MAP6: variants seen among roughly 807,000 people sequenced by gnomAD.
MAP6 encodes microtubule associated protein 6.
MAP6 carries 26 observed loss-of-function variants against 42.4 expected under a neutral mutation model. That is an observed-to-expected ratio of 0.61 (90% CI 0.45 to 0.85). The LOEUF (loss-of-function observed/expected upper bound fraction) is 0.85. MAP6 is among the 40% of genes least tolerant of loss of function. The pLI, the probability that MAP6 is intolerant of heterozygous loss-of-function variation, is 0.00. For synonymous variants in MAP6, 418 were observed against 443.8 expected, an observed-to-expected ratio of 0.94 and a Z score of 0.73; for missense variants, 966 against 1,099.0, an observed-to-expected ratio of 0.88 and a Z score of 1.71.
At chr11:75,663,784 T>C (rs1943897203) in intron 1 of MAP6, among the ~76,000 whole-genome samples, 1 of 152,256 alleles carries the variant, frequency 6.6e-6, no homozygotes, top group South Asian at 2.1e-4. Context: ...GGGGCAGTTC[T>C]GCACAGCATA....
At chr11:75,629,142 C>T (rs527507469) in intron 1 of MAP6, among the ~76,000 whole-genome samples, 7 of 152,300 alleles carry the variant, frequency 4.6e-5, no homozygotes, top group Admixed American at 3.9e-4. Flanking sequence ...GGCTGGAGTG[C>T]AGTGGTGCGA....
chr11:75,656,126 G>T (rs1255201842), intron 1 of MAP6, among the ~76,000 whole-genome samples: 2 of 152,122 alleles, frequency 1.3e-5, no homozygotes, highest in Non-Finnish European at 2.9e-5. Context: ...AATCCTTAAG[G>T]GCTAGGAGGC....
intron 1 of MAP6, among the ~76,000 whole-genome samples, chr11:75,630,954 G>A (rs1393046453): frequency 1.3e-5 from 2 of 152,178 alleles, no homozygotes; most frequent in African/African-American, 4.8e-5. Flanking sequence ...CAAGTTCCTT[G>A]GGTGATTCTA....
chr11:75,654,707 A>G (rs1435803233), intron 1 of MAP6, among the ~76,000 whole-genome samples: 1 of 152,224 alleles, frequency 6.6e-6, no homozygotes, highest in Non-Finnish European at 1.5e-5. Flanking sequence ...AAAAGTAGCC[A>G]GCACTTACTA....
intron 3 of MAP6, among the ~76,000 whole-genome samples, chr11:75,600,754 C>T (rs1942651659): frequency 6.6e-6 from 1 of 152,186 alleles, no homozygotes; most frequent in South Asian, 2.1e-4. Flanking sequence ...CCTTAAACCA[C>T]AGTGACACAC....
At chr11:75,631,434 T>C (rs1943282417) in intron 1 of MAP6, among the ~76,000 whole-genome samples, 1 of 152,184 alleles carries the variant, frequency 6.6e-6, no homozygotes, top group African/African-American at 2.4e-5. Flanking sequence ...GACTTTTTTT[T>C]TCTTAATTGC....
At chr11:75,607,006 A>G (rs1400871050) in intron 2 of MAP6, among the ~76,000 whole-genome samples, 1 of 152,074 alleles carries the variant, frequency 6.6e-6, no homozygotes, top group South Asian at 2.1e-4. Flanking sequence ...CGGGTGCCAC[A>G]CCATCTCTGG....
chr11:75,661,993 T>C (rs1027635283), intron 1 of MAP6, among the ~76,000 whole-genome samples: 2 of 152,144 alleles, frequency 1.3e-5, no homozygotes, highest in Admixed American at 6.5e-5. Flanking sequence ...CAAAACTTAA[T>C]GCATATGGGC....
Position 75,667,705 on chromosome 11 carries a change from G to A in MAP6, c.665C>T (p.Ala222Val), listed in dbSNP as rs1473850584. ...CGCCTTTCCGGCCGCCAGGCCACCCGCTCCGCCGGGGGCCGCCTCCTGCTC... is the reference window on the plus strand; with the variant it reads ...CGCCTTTCCGGCCGCCAGGCCACCCACTCCGCCGGGGGCCGCCTCCTGCTC... The part of the protein sequence containing the change: ...AREQEAAPGG[A>V]GGLAAGKASG... The change falls in exon 1 of 4, where the codon GCG (alanine) becomes GTG (valine). Residue 222 changes from alanine to valine, a missense_variant. Transcript: ENST00000304771. This position sits in a 1 kb window ranked among gnomAD's most constrained non-coding sequence, Gnocchi z 5.6. The A allele has an allele frequency of 3.1e-6, 4 of 1,282,994 alleles. No homozygotes were observed. Among genetic ancestry groups the A allele is most frequent in the Middle Eastern group, 2.9e-4 (1 of 3,396 alleles). The allele number at this position is 1,282,994 out of a possible 1,614,324, so 79.5% of individuals were successfully genotyped here.
rs546134062 is a variant in MAP6, at chr11:75,646,840, T to G, written c.905+20625A>C. Among the ~76,000 whole-genome samples the G allele has an allele frequency of 5.3e-4, 81 of 152,216 alleles. 1 individual carries two copies. In the South Asian group the frequency reaches 0.016, roughly 30 times the overall value. ...ATGGTGAGTAAAATATTAGTAGATA[T>G]GGGGGCAAATCTAAATAAGCATTGG... On this transcript the variant is annotated intron_variant, in intron 1 of 3. Transcript: ENST00000304771.
chr11:75,653,439 C>T (rs1390696962), intron 1 of MAP6, among the ~76,000 whole-genome samples: 3 of 152,152 alleles, frequency 2.0e-5, no homozygotes, highest in South Asian at 2.1e-4. Flanking sequence ...AATTCGACCT[C>T]GAGTTTGTAC....
At chr11:75,621,314 T>TA (rs1424207408) in intron 1 of MAP6, among the ~76,000 whole-genome samples, 11 of 149,742 alleles carry the variant, frequency 7.3e-5, no homozygotes, top group African/African-American at 1.5e-4. Context: ...TATCTTTACT[T>TA]AAAAAAAAAG....
chr11:75,635,375 C>T (rs553482913), intron 1 of MAP6, among the ~76,000 whole-genome samples: 7 of 152,328 alleles, frequency 4.6e-5, no homozygotes, highest in South Asian at 4.1e-4. Flanking sequence ...CAAGAGAAAA[C>T]GAGTGGCATC....
chr11:75,625,029 A>G (rs1943173352), intron 1 of MAP6, among the ~76,000 whole-genome samples: 1 of 152,174 alleles, frequency 6.6e-6, no homozygotes, highest in South Asian at 2.1e-4. Flanking sequence ...AAAAGTACAC[A>G]CCAGAGCCTG....
Position 75,667,920 on chromosome 11 carries a change from G to C in MAP6, c.450C>G (p.Phe150Leu), listed in dbSNP as rs1427143682. Reference protein sequence around the residue: ...RSEYQPSDAPFERETQYQKDF... With the variant: ...RSEYQPSDAPLERETQYQKDF... ...CCTTCTGGTACTGGGTCTCGCGCTC[G>C]AAGGGAGCGTCGGAGGGCTGGTATT... The change falls in exon 1 of 4, where the codon TTC becomes TTG. Residue 150 changes from phenylalanine to leucine, a missense_variant. Physicochemically the swap from Phe to Leu is conservative, Grantham distance 22. This residue lies in a region of MAP6 where 943 missense variants were observed against 1,049.9 expected (regional missense o/e 0.90). Coordinates refer to ENST00000304771, the MANE Select transcript of MAP6 (RefSeq NM_033063.2). The surrounding 1 kb of genome is among the most constrained non-coding windows in gnomAD (Gnocchi z 5.6). 2 of 1,409,310 alleles carry C rather than the reference G, an allele frequency of 1.4e-6. No individual in the cohort carries two copies. The highest frequency in any genetic ancestry group is 1.9e-6 in the Non-Finnish European group (2 of 1,078,042). The allele number at this position is 1,409,310 out of a possible 1,614,324, so 87.3% of individuals were successfully genotyped here.
intron 1 of MAP6, among the ~76,000 whole-genome samples, chr11:75,626,091 A>G (rs1038341019): frequency 5.9e-5 from 9 of 152,156 alleles, no homozygotes; most frequent in Non-Finnish European, 1.2e-4. Flanking sequence ...GACAGGATGA[A>G]AACTCTCACT....
chr11:75,604,432 G>A, intron 3 of MAP6: 1 of 985,444 alleles, frequency 1.0e-6, no homozygotes, highest in Non-Finnish European at 1.2e-6. Flanking sequence ...AGAAGAGCAA[G>A]CCTGCGCCGG....
intron 1 of MAP6, among the ~76,000 whole-genome samples, chr11:75,655,184 T>A (rs1314142637): frequency 6.6e-6 from 1 of 152,170 alleles, no homozygotes; most frequent in East Asian, 1.9e-4. Flanking sequence ...GAACTCTGAG[T>A]AAAAATAATA....
At chr11:75,646,525 G>GC in intron 1 of MAP6, among the ~76,000 whole-genome samples, 1 of 140,350 alleles carries the variant, frequency 7.1e-6, no homozygotes, top group Non-Finnish European at 1.5e-5. Flanking sequence ...AAAAAAAAAG[G>GC]CAAGAGCAGT....
Sources: gnomAD v4.1 joint callset for allele counts (sites outside exome capture counted in the v4.1 genomes callset) on GRCh38, gnomAD v4.1.1 for gene constraint, gnomAD v4.1.1 regional missense constraint, Gnocchi (gnomAD v3.1) non-coding constraint, MANE v1.5 for transcripts, NCBI Gene and HGNC (gene_info 2026-07-23, HGNC 2026-07-21) for gene names.